HSPA14: variants seen among roughly 807,000 people sequenced by gnomAD.
HSPA14 encodes heat shock protein family A (Hsp70) member 14.
In HSPA14, 37 loss-of-function variants were observed where a neutral mutation model predicts 65.5. The observed-to-expected ratio is 0.56, with a 90% CI of 0.43 to 0.74. The LOEUF (loss-of-function observed/expected upper bound fraction) is 0.74, where lower values mean the gene tolerates loss of function less well. HSPA14 is among the 30% of genes least tolerant of loss of function. The pLI, the probability that HSPA14 is intolerant of heterozygous loss-of-function variation, is 0.00. For missense variants in HSPA14, 564 were observed against 607.6 expected, an observed-to-expected ratio of 0.93 and a Z score of 0.75; for synonymous variants, 203 against 214.2, an observed-to-expected ratio of 0.95 and a Z score of 0.46.
intron 10 of HSPA14, among the ~76,000 whole-genome samples, chr10:14,862,406 G>C (rs75573839): frequency 7.1e-6 from 1 of 140,790 alleles, no homozygotes; most frequent in Non-Finnish European, 1.5e-5. Flanking sequence ...ACGGAGTGTC[G>C]TTCTGTCGCC....
intron 10 of HSPA14, among the ~76,000 whole-genome samples, chr10:14,859,873 T>C (rs527950276): frequency 6.6e-6 from 1 of 152,340 alleles, no homozygotes; most frequent in South Asian, 2.1e-4. Flanking sequence ...ACAGTTCTTT[T>C]TTCAGAGAGC....
chr10:14,863,070 ACGT>A (rs1463560588), intron 10 of HSPA14, among the ~76,000 whole-genome samples: 1 of 151,236 alleles, frequency 6.6e-6, no homozygotes, highest in African/African-American at 2.4e-5. Context: ...TGATCTTATG[ACGT>A]TGTTTTTATG....
At chr10:14,848,531 A>C (rs1834081757) in intron 3 of HSPA14, 78 bp from the exon 4 acceptor site, 2 of 1,020,322 alleles carry the variant, frequency 2.0e-6, no homozygotes, top group Non-Finnish European at 3.0e-6. Flanking sequence ...ATATTGTGAA[A>C]TACAGTCTTC....
chr10:14,855,726 C>T (rs1834141166), intron 9 of HSPA14, 115 bp from the exon 10 acceptor site: 1 of 588,874 alleles, frequency 1.7e-6, no homozygotes, highest in Non-Finnish European at 3.0e-6. Flanking sequence ...TAAGTTTTGG[C>T]ATTACTCTTC....
intron 12 of HSPA14, among the ~76,000 whole-genome samples, 155 bp downstream of exon 12, chr10:14,868,064 CCT>C (rs1386100925): frequency 6.6e-6 from 1 of 152,060 alleles, no homozygotes; most frequent in African/African-American, 2.4e-5. Context: ...AAAATGAACA[CCT>C]GTGTACTCAT....
chr10:14,863,292 C>T (rs997981255), intron 10 of HSPA14, among the ~76,000 whole-genome samples: 2 of 152,042 alleles, frequency 1.3e-5, no homozygotes, highest in Non-Finnish European at 2.9e-5. Flanking sequence ...ACAAACTGAC[C>T]CCTTTTAACA....
chr10:14,865,265 T>C (rs1226287805), intron 10 of HSPA14, among the ~76,000 whole-genome samples: 4 of 152,148 alleles, frequency 2.6e-5, no homozygotes. Flanking sequence ...TCTCCCATTC[T>C]GTAGGTTGCC....
chr10:14,842,311 C>G lies in HSPA14; in HGVS notation c.221+2154C>G. On this transcript the variant is annotated intron_variant, in intron 3 of 13. Transcript: ENST00000378372. The surrounding 1 kb of genome is among the most constrained non-coding windows in gnomAD (Gnocchi z 5.2). ...TGGCCAGTGCCAATAGCAGTGCGGG[C>G]ATCCGGTGGTCCAGACAGGAGACAC... The G allele has an allele frequency of 6.5e-7, 1 of 1,535,950 alleles. No individual in the cohort carries two copies. The highest frequency in any genetic ancestry group is 1.2e-5 in the South Asian group (1 of 84,046).
chr10:14,849,859 A>T, intron 6 of HSPA14, 48 bp downstream of exon 6: 1 of 1,111,498 alleles, frequency 9.0e-7, no homozygotes, highest in Non-Finnish European at 1.4e-6. Context: ...GGAAGTACAA[A>T]GTCACTATAT....
At position 14,842,315 on chromosome 10, in the gene HSPA14, C is replaced by T. The variant is rs914950585; in HGVS notation, c.221+2158C>T. ...CAGTGCCAATAGCAGTGCGGGCATC[C>T]GGTGGTCCAGACAGGAGACACGAAC... On this transcript the variant is annotated intron_variant, in intron 3 of 13. Transcript: ENST00000378372. The surrounding 1 kb of genome is among the most constrained non-coding windows in gnomAD (Gnocchi z 5.2). 5 of 1,535,818 alleles carry T rather than the reference C, an allele frequency of 3.3e-6. No individual in the cohort carries two copies. Among genetic ancestry groups the T allele is most frequent in the African/African-American group, 1.4e-5 (1 of 73,020 alleles).
intron 12 of HSPA14, among the ~76,000 whole-genome samples, chr10:14,869,532 T>G (rs1205971132): frequency 1.3e-5 from 2 of 152,066 alleles, no homozygotes; most frequent in African/African-American, 4.8e-5. Context: ...TGACCTCAGG[T>G]GATCTGCCTG....
At chr10:14,857,965 C>T (rs112939712) in intron 10 of HSPA14, among the ~76,000 whole-genome samples, 104 of 151,308 alleles carry the variant, frequency 6.9e-4, no homozygotes, top group African/African-American at 2.3e-3. Flanking sequence ...GGCTGGGAGG[C>T]GGATTGTGAA....
rs1386135249 is a variant in HSPA14 at position 14,844,729 on chromosome 10, T to C, written c.222-3880T>C. ...GCCATTTTATAAAATATTAAATATA[T>C]GTAAATTCTTTGCATTTCATATTAT... On this transcript the variant is annotated intron_variant, in intron 3 of 13. Transcript: ENST00000378372. 9.3e-6 allele frequency: 9 copies of C among 964,668 alleles called. No individual in the cohort carries two copies. In the East Asian group the frequency reaches 3.4e-4, roughly 37 times the overall value. The allele number at this position is 964,668 out of a possible 1,614,324, so 59.8% of individuals were successfully genotyped here. A position where few individuals can be genotyped will look rare whatever the true frequency, so the allele number is the denominator to read the frequency against.
chr10:14,846,974 A>T (rs1404758191), intron 3 of HSPA14: 3 of 985,300 alleles, frequency 3.0e-6, no homozygotes. Flanking sequence ...CCTGGTGTGG[A>T]CAAATAAAGT....
chr10:14,861,252 A>G (rs1832747986), intron 10 of HSPA14, among the ~76,000 whole-genome samples: 1 of 152,126 alleles, frequency 6.6e-6, no homozygotes, highest in Non-Finnish European at 1.5e-5. Context: ...CTGGGAGAAG[A>G]TGTATCTGTA....
Position 14,842,383 on chromosome 10 carries a change from C to A in HSPA14, c.221+2226C>A. On this transcript the variant is annotated intron_variant, in intron 3 of 13. Transcript: ENST00000378372. The surrounding 1 kb of genome is among the most constrained non-coding windows in gnomAD (Gnocchi z 5.2). ...GCGAGGCAGAGTATATTCAGCGCCTCCAGACTGTGCATCACAATGCAGATG... is the reference window on the plus strand; with the variant it reads ...GCGAGGCAGAGTATATTCAGCGCCTACAGACTGTGCATCACAATGCAGATG... The A allele has an allele frequency of 6.5e-7, 1 of 1,536,168 alleles. No individual in the cohort carries two copies. The highest frequency in any genetic ancestry group is 8.7e-7 in the Non-Finnish European group (1 of 1,146,912).
At chr10:14,859,473 CCTTT>C (rs1460219228) in intron 10 of HSPA14, among the ~76,000 whole-genome samples, 7 of 152,298 alleles carry the variant, frequency 4.6e-5, no homozygotes, top group East Asian at 1.9e-4. Flanking sequence ...ATTTATTTTG[CCTTT>C]CTATCTTTAC....
At chr10:14,838,603 GGGCCGGGCAGGCCC>G in intron 1 of HSPA14, 144 bp downstream of exon 1, 1 of 765,636 alleles carries the variant, frequency 1.3e-6, no homozygotes, top group Non-Finnish European at 2.0e-6. Context: ...CCGGAGCGAA[GGGCCGGGCAGGCCC>G]GGCCTCGCGC....
intron 13 of HSPA14, among the ~76,000 whole-genome samples, chr10:14,871,171 G>C (rs531004340): frequency 1.3e-4 from 20 of 152,154 alleles, no homozygotes; most frequent in Non-Finnish European, 2.4e-4. Flanking sequence ...TACTTAGCAA[G>C]AATATAGAAT....
Sources: gnomAD v4.1 joint callset for allele counts (sites outside exome capture counted in the v4.1 genomes callset) on GRCh38, gnomAD v4.1.1 for gene constraint, Gnocchi (gnomAD v3.1) non-coding constraint, MANE v1.5 for transcripts, NCBI Gene and HGNC (gene_info 2026-07-23, HGNC 2026-07-21) for gene names.